The following VAPA variants were observed in gnomAD, a reference collection of about 807,000 sequenced individuals.
VAPA encodes the protein VAMP associated protein A.
Under a neutral mutation model 25.6 loss-of-function variants are expected in VAPA, and 6 were observed. That is an observed-to-expected ratio of 0.23 (90% confidence interval 0.13 to 0.46). The LOEUF (loss-of-function observed/expected upper bound fraction) is 0.46. Among genes scored for constraint, VAPA ranks in the 20% least tolerant of loss-of-function variants. The pLI is 0.99. For synonymous variants in VAPA, 112 were observed against 106.2 expected (o/e 1.05, Z -0.34); for missense variants, 244 against 302.1 (o/e 0.81, Z 1.43).
intron 1 of VAPA, 92 bp from the exon 2 acceptor site, chr18:9,931,718 T>G: frequency 8.9e-7 from 1 of 1,127,798 alleles, no homozygotes; most frequent in Non-Finnish European, 1.2e-6. Context: ...AGCACTTAAT[T>G]AAAATTGAGG....
chr18:9,941,080 C>T (rs1211349508), intron 4 of VAPA, among the ~76,000 whole-genome samples: 1 of 151,468 alleles, frequency 6.6e-6, no homozygotes, highest in Non-Finnish European at 1.5e-5. Context: ...ATTAAAGGCT[C>T]TGAGAAAACG....
chr18:9,922,042 G>C (rs1217359025), intron 1 of VAPA, among the ~76,000 whole-genome samples: 1 of 152,126 alleles, frequency 6.6e-6, no homozygotes, highest in Non-Finnish European at 1.5e-5. Context: ...CAGTGGTGCT[G>C]TTATAGCTCA....
chr18:9,944,030 T>A (rs1291568521), intron 4 of VAPA, among the ~76,000 whole-genome samples: 1 of 151,466 alleles, frequency 6.6e-6, no homozygotes, highest in Non-Finnish European at 1.5e-5. Flanking sequence ...CCTGGCTAAT[T>A]TTTTGTATTT....
chr18:9,922,471 AT>A (rs1478614534), intron 1 of VAPA, among the ~76,000 whole-genome samples: 1 of 152,216 alleles, frequency 6.6e-6, no homozygotes, highest in Non-Finnish European at 1.5e-5. Flanking sequence ...TTAAGAGTTT[AT>A]TAATGAGCAA....
chr18:9,944,942 A>C (rs1257008396), intron 4 of VAPA: 2 of 1,614,168 alleles, frequency 1.2e-6, no homozygotes, highest in Admixed American at 3.3e-5. Flanking sequence ...TCCACCAGGG[A>C]ATGCTCCGAC....
intron 4 of VAPA, among the ~76,000 whole-genome samples, chr18:9,939,274 C>T (rs1386604871): frequency 6.6e-6 from 1 of 151,502 alleles, no homozygotes; most frequent in East Asian, 1.9e-4. Flanking sequence ...CGGGTTCAAG[C>T]AGTTCTCCTG....
At position 9,914,406 on chromosome 18, in the gene VAPA, GA is replaced by G. The variant is rs553788733; in HGVS notation, c.79+72del. 166 of 1,410,548 alleles carry G rather than the reference GA, an allele frequency of 1.2e-4. No individual in the cohort carries two copies. In the African/African-American group the frequency reaches 2.1e-3, roughly 18 times the overall value. 87.4% of individuals were successfully genotyped at this position (1,410,548 alleles called of 1,614,324 possible). Reference sequence around the variant, plus strand: ...CGCTGGCTGTCGGCGGGGGGGCGCGGAGGGCACGTCCGCGGCCCTGGCCCGA... The same window carrying G: ...CGCTGGCTGTCGGCGGGGGGGCGCGGGGGCACGTCCGCGGCCCTGGCCCGA... On this transcript the variant is annotated intron_variant, in intron 1 of 5. Coordinates refer to ENST00000400000, the MANE Select transcript of VAPA (RefSeq NM_194434.3).
intron 4 of VAPA, among the ~76,000 whole-genome samples, chr18:9,943,929 C>T (rs961334936): frequency 4.0e-5 from 5 of 125,416 alleles, no homozygotes; most frequent in Admixed American, 2.0e-4. Context: ...GGCGCGATCT[C>T]GGCTCACTGT....
At chr18:9,921,094 C>T (rs925926000) in intron 1 of VAPA, among the ~76,000 whole-genome samples, 1 of 152,196 alleles carries the variant, frequency 6.6e-6, no homozygotes, top group Non-Finnish European at 1.5e-5. Context: ...TTTGTAGTAA[C>T]AAGTTCTGGC....
rs987133563 is a variant in VAPA, at chr18:9,957,204, G to A, written c.*2993G>A. Reference sequence around the variant, plus strand: ...GAGCCAACAAGCCCGGCTAATTTTTGTATTTTTAGTAGAGACAAGGTTTCA... The same window carrying A: ...GAGCCAACAAGCCCGGCTAATTTTTATATTTTTAGTAGAGACAAGGTTTCA... On this transcript the variant is annotated 3_prime_UTR_variant, in exon 6 of 6. Transcript: ENST00000400000. The A allele has an allele frequency of 3.3e-5, 5 of 151,948 alleles. No individual in the cohort carries two copies. Among genetic ancestry groups the A allele is most frequent in the Admixed American group, 1.3e-4 (2 of 15,234 alleles). 9.4% of individuals were successfully genotyped at this position (151,948 alleles called of 1,614,324 possible).
At chr18:9,938,206 T>C (rs369835813) in intron 4 of VAPA, among the ~76,000 whole-genome samples, 1 of 152,196 alleles carries the variant, frequency 6.6e-6, no homozygotes, top group East Asian at 1.9e-4. Flanking sequence ...AAAAAAAATT[T>C]GGATATTTTC....
chr18:9,938,550 A>T (rs567257898), intron 4 of VAPA, among the ~76,000 whole-genome samples: 2 of 152,332 alleles, frequency 1.3e-5, no homozygotes, highest in South Asian at 4.1e-4. Context: ...TACTGAATGG[A>T]GTTCCCAGAA....
chr18:9,954,255 G>A lies in VAPA; in HGVS notation c.*44G>A. 1 of 1,496,224 alleles carries A rather than the reference G, an allele frequency of 6.7e-7. No homozygotes were observed. The highest frequency in any genetic ancestry group is 1.2e-5 in the South Asian group (1 of 80,504). 92.7% of individuals were successfully genotyped at this position (1,496,224 alleles called of 1,614,324 possible). Reference sequence around the variant, plus strand: ...CTGTTTCTTTTTTTTTTTTTCTCTTGACCAGAAAAAGATTTGTTTACCTAC... The same window carrying A: ...CTGTTTCTTTTTTTTTTTTTCTCTTAACCAGAAAAAGATTTGTTTACCTAC... On this transcript the variant is annotated 3_prime_UTR_variant, in exon 6 of 6. Transcript: ENST00000400000.
intron 2 of VAPA, among the ~76,000 whole-genome samples, chr18:9,933,992 C>T (rs1443888401): frequency 6.6e-6 from 1 of 152,176 alleles, no homozygotes; most frequent in East Asian, 1.9e-4. Context: ...GAGAAAACAA[C>T]GTATCAAAAC....
At chr18:9,945,152 G>A in intron 4 of VAPA, 1 of 1,384,640 alleles carries the variant, frequency 7.2e-7, no homozygotes, top group South Asian at 1.4e-5. Flanking sequence ...TTGTGAGTAT[G>A]TTGTATGAAG....
At chr18:9,935,703 A>T (rs1165144479) in intron 2 of VAPA, among the ~76,000 whole-genome samples, 1 of 152,236 alleles carries the variant, frequency 6.6e-6, no homozygotes, top group South Asian at 2.1e-4. Flanking sequence ...AGTTTTAATA[A>T]CTTATATTTA....
chr18:9,922,598 G>T (rs765973545), intron 1 of VAPA, among the ~76,000 whole-genome samples: 6 of 152,016 alleles, frequency 3.9e-5, no homozygotes, highest in Non-Finnish European at 8.8e-5. Flanking sequence ...AATTTTGATG[G>T]CTCACCTTGA....
At chr18:9,944,885 C>A in intron 4 of VAPA, 2 of 1,602,000 alleles carry the variant, frequency 1.2e-6, no homozygotes, top group East Asian at 2.3e-5. Flanking sequence ...AATCAGAGTT[C>A]GGTGAGAATC....
rs200229431 is a variant in VAPA, at chr18:9,959,690, TGAGA to T, written c.*5487_*5490del. The T allele has an allele frequency of 1.1e-4, 15 of 130,882 alleles. No individual in the cohort carries two copies. Among genetic ancestry groups the T allele is most frequent in the Admixed American group, 2.8e-4 (3 of 10,648 alleles). 8.1% of individuals were successfully genotyped at this position (130,882 alleles called of 1,614,324 possible). On this transcript the variant is annotated 3_prime_UTR_variant, in exon 6 of 6. Transcript: ENST00000400000. ...GGAAAAATAATACAATGTGTGTGTG[TGAGA>T]GAGAGAGTGAGTTACTGACATTGTT...
Sources: gnomAD v4.1 joint callset for allele counts (sites outside exome capture counted in the v4.1 genomes callset) on GRCh38, gnomAD v4.1.1 for gene constraint, MANE v1.5 for transcripts, NCBI Gene and HGNC (gene_info 2026-07-23, HGNC 2026-07-21) for gene names.